Variants in STX18 observed in about 807,000 individuals in gnomAD.
STX18 encodes syntaxin-18.
A neutral mutation model predicts 50.1 loss-of-function variants in STX18; 40 were observed. The ratio of observed to expected loss-of-function variants is 0.80; its 90% CI spans 0.62 to 1.04. STX18 has a LOEUF of 1.04. Ranked by LOEUF, STX18 falls within the 50% of genes least tolerant of loss-of-function variation. STX18 has a pLI of 0.00. For missense variants in STX18, 410 were observed against 415.8 expected, an observed-to-expected ratio of 0.99 and a Z score of 0.12; for synonymous variants, 158 against 151.8, an observed-to-expected ratio of 1.04 and a Z score of -0.30.
At chr4:4,466,065 A>T (rs1262621926) in intron 2 of STX18, among the ~76,000 whole-genome samples, 38 of 152,218 alleles carry the variant, frequency 2.5e-4, no homozygotes, top group Admixed American at 2.5e-3. Context: ...GGTAGAAGTG[A>T]TTACGAACAA....
At chr4:4,477,709 T>C (rs1728257934) in intron 1 of STX18, among the ~76,000 whole-genome samples, 1 of 152,196 alleles carries the variant, frequency 6.6e-6, no homozygotes, top group South Asian at 2.1e-4. Flanking sequence ...CACAGAATCC[T>C]GGCAAGTCAC....
chr4:4,541,144 A>T (rs528083707), intron 1 of STX18, among the ~76,000 whole-genome samples: 1 of 152,212 alleles, frequency 6.6e-6, no homozygotes, highest in Non-Finnish European at 1.5e-5. Context: ...GCTATGAGTC[A>T]TGCATTCTGA....
At chr4:4,475,813 G>T (rs534305623) in intron 1 of STX18, among the ~76,000 whole-genome samples, 3 of 152,266 alleles carry the variant, frequency 2.0e-5, no homozygotes. Flanking sequence ...TAGATATGGG[G>T]TCTTGCTATG....
chr4:4,456,767 AG>A (rs1482262548), intron 5 of STX18, among the ~76,000 whole-genome samples: 4 of 152,196 alleles, frequency 2.6e-5, no homozygotes, highest in African/African-American at 9.7e-5. Flanking sequence ...AGGGACGACA[AG>A]AAGGGGTATG....
At chr4:4,536,359 C>A (rs1292937862) in intron 1 of STX18, among the ~76,000 whole-genome samples, 1 of 152,204 alleles carries the variant, frequency 6.6e-6, no homozygotes, top group African/African-American at 2.4e-5. Context: ...ACACAAAGTT[C>A]TTCATTTTCA....
intron 2 of STX18, among the ~76,000 whole-genome samples, chr4:4,465,156 A>C (rs1727561445): frequency 6.6e-6 from 1 of 152,148 alleles, no homozygotes; most frequent in Non-Finnish European, 1.5e-5. Flanking sequence ...GGGAGCATAA[A>C]TTAGTTCAAC....
intron 1 of STX18, among the ~76,000 whole-genome samples, chr4:4,516,182 C>T (rs1358620036): frequency 1.3e-5 from 2 of 152,158 alleles, no homozygotes; most frequent in African/African-American, 4.8e-5. Context: ...CTGGATTAGA[C>T]ACAGATGGGC....
rs756927808 is a variant in STX18, at chr4:4,420,140, A to T, written c.913-11T>A. The T allele has an allele frequency of 1.3e-5, 21 of 1,602,150 alleles. No individual in the cohort carries two copies. The Admixed American group carries it at 3.6e-4, about 27-fold the overall frequency. ...GTTGTTTTTAATGGCCTGGGCAGGG[A>T]CGGGAGCACAGGTGTTTTTATCACA... is the stretch of plus-strand genomic sequence containing the variant. On this transcript the variant is annotated splice_polypyrimidine_tract_variant and intron_variant, in intron 10 of 10. Transcript: ENST00000306200. The surrounding 1 kb of genome is among the most constrained non-coding windows in gnomAD (Gnocchi z 4.3).
intron 5 of STX18, among the ~76,000 whole-genome samples, chr4:4,452,123 G>A (rs1726784459): frequency 6.6e-6 from 1 of 152,020 alleles, no homozygotes. Flanking sequence ...TTAAGCCAAA[G>A]CCTAATTCAG....
intron 1 of STX18, among the ~76,000 whole-genome samples, chr4:4,521,947 A>G (rs1730525872): frequency 6.6e-6 from 1 of 152,198 alleles, no homozygotes; most frequent in South Asian, 2.1e-4. Flanking sequence ...CAACTTAATT[A>G]TCTGCAGGAC....
chr4:4,540,143 T>C (rs1011921173), intron 1 of STX18, among the ~76,000 whole-genome samples: 2 of 151,984 alleles, frequency 1.3e-5, no homozygotes, highest in Non-Finnish European at 2.9e-5. Flanking sequence ...GGTAGTTTTT[T>C]AAAAGGAGGA....
intron 1 of STX18, among the ~76,000 whole-genome samples, chr4:4,498,827 A>C (rs890362021): frequency 6.6e-6 from 1 of 152,234 alleles, no homozygotes; most frequent in Non-Finnish European, 1.5e-5. Flanking sequence ...ACAACGAAAG[A>C]AACTAAACAC....
intron 5 of STX18, among the ~76,000 whole-genome samples, chr4:4,447,592 C>CAAAAAAACAAAAA (rs1726492039): frequency 2.2e-5 from 1 of 45,878 alleles, no homozygotes. Context: ...CTCCGTCTCA[C>CAAAAAAACAAAAA]AAAAAAAAAA....
chr4:4,432,822 G>C (rs889497828), intron 7 of STX18, among the ~76,000 whole-genome samples: 3 of 152,260 alleles, frequency 2.0e-5, no homozygotes, highest in African/African-American at 7.2e-5. Flanking sequence ...GAAGTCCAAA[G>C]AGCAAGAGGA....
chr4:4,507,618 G>C (rs1729778698), intron 1 of STX18: 2 of 767,314 alleles, frequency 2.6e-6, no homozygotes, highest in Non-Finnish European at 4.8e-6. Context: ...AAGCGAAATT[G>C]TGGGCAAGAG....
Position 4,457,401 on chromosome 4 carries a change from C to T in STX18, c.430+22G>A, listed in dbSNP as rs763599104. 2.5e-6 allele frequency: 4 copies of T among 1,604,768 alleles called. No homozygotes were observed. In the South Asian group the frequency reaches 4.4e-5, roughly 18 times the overall value. On this transcript the variant is annotated intron_variant, in intron 4 of 10. Coordinates refer to ENST00000306200, the MANE Select transcript of STX18 (RefSeq NM_016930.4). ...ATCTATTGTGAAATGTTACATTTGA[C>T]CTTTAAAAGAAAATGAAATACTTTT...
chr4:4,541,095 T>C (rs991508768), intron 1 of STX18, among the ~76,000 whole-genome samples: 11 of 152,202 alleles, frequency 7.2e-5, no homozygotes, highest in African/African-American at 2.7e-4. Flanking sequence ...AGACAGCCAT[T>C]TGTTCATTCA....
intron 1 of STX18, among the ~76,000 whole-genome samples, chr4:4,522,711 G>C (rs1383652864): frequency 1.3e-5 from 2 of 151,530 alleles, no homozygotes; most frequent in African/African-American, 4.8e-5. Flanking sequence ...TGTGAAGTGT[G>C]GAAGAAACAA....
At chr4:4,526,375 T>C (rs1363389810) in intron 1 of STX18, among the ~76,000 whole-genome samples, 1 of 152,198 alleles carries the variant, frequency 6.6e-6, no homozygotes, top group Non-Finnish European at 1.5e-5. Flanking sequence ...ACAGTGTCTA[T>C]CTTCTTGGGC....
Sources: gnomAD v4.1 joint callset for allele counts (sites outside exome capture counted in the v4.1 genomes callset) on GRCh38, gnomAD v4.1.1 for gene constraint, Gnocchi (gnomAD v3.1) non-coding constraint, MANE v1.5 for transcripts, NCBI Gene and HGNC (gene_info 2026-07-23, HGNC 2026-07-21) for gene names.